The following MYO5B variants were observed in gnomAD, a reference collection of about 807,000 sequenced individuals.
MYO5B encodes myosin VB.
A neutral mutation model predicts 229.3 loss-of-function variants in MYO5B; 143 were observed. That is an observed-to-expected ratio of 0.62 (90% CI 0.54 to 0.72). MYO5B has a LOEUF of 0.72. MYO5B is among the 30% of genes least tolerant of loss of function. The pLI is 0.00. For synonymous variants in MYO5B, 918 were observed against 885.2 expected (o/e 1.04, Z -0.66); for missense variants, 2,321 against 2,331.0 (o/e 1.00, Z 0.09).
In MYO5B at chr18:49,929,613, A is replaced by G. The variant is rs764748524; in HGVS notation, c.2004-15T>C. The G allele has an allele frequency of 0.018, 20,414 of 1,116,402 alleles. 31 individuals carry two copies. Among genetic ancestry groups the G allele is most frequent in the Non-Finnish European group, 0.02 (17,213 of 841,910 alleles). The allele number at this position is 1,116,402 out of a possible 1,614,324, so 69.2% of individuals were successfully genotyped here. A position where few individuals can be genotyped will look rare whatever the true frequency, so the allele number is the denominator to read the frequency against. ...TTGGGTCAAAGCTGCCAAAGGAGAA[A>G]AAAAAAAAAAAAAGCAAGACAAGAG... On this transcript the variant is annotated splice_polypyrimidine_tract_variant and intron_variant, in intron 16 of 39. Transcript: ENST00000285039.
intron 1 of MYO5B, among the ~76,000 whole-genome samples, chr18:50,119,655 A>C (rs960917825): frequency 6.6e-6 from 1 of 152,084 alleles, no homozygotes; most frequent in East Asian, 1.9e-4. Flanking sequence ...AATTATTCAC[A>C]TGTCTCCTTC....
At chr18:49,864,035 C>T in intron 28 of MYO5B, 106 bp downstream of exon 28, 1 of 1,534,828 alleles carries the variant, frequency 6.5e-7, no homozygotes, top group Non-Finnish European at 8.8e-7. Context: ...AGAGACTCTG[C>T]TCTTTCAGGT....
intron 1 of MYO5B, among the ~76,000 whole-genome samples, chr18:50,173,957 G>A (rs1009908548): frequency 1.3e-5 from 2 of 152,124 alleles, no homozygotes; most frequent in African/African-American, 4.8e-5. Context: ...CTGCGAGGGC[G>A]TTTCTGGAAG....
chr18:49,977,709 G>A (rs375663249), intron 9 of MYO5B, among the ~76,000 whole-genome samples: 60 of 152,278 alleles, frequency 3.9e-4, no homozygotes, highest in Middle Eastern at 3.4e-3. Context: ...CAGAGAAAGA[G>A]GTTCCCCTCT....
rs369161855 is a variant in MYO5B, at chr18:50,158,781, G to A, written c.27+35986C>T. On this transcript the variant is annotated intron_variant, in intron 1 of 39. Transcript: ENST00000285039. ...CATGCCCCATTATGGTCTCCCTAAG[G>A]AGCCGGTGTTCTCTGAGGCAGGAGC... Among the ~76,000 whole-genome samples the A allele has an allele frequency of 3.9e-5, 6 of 152,276 alleles. No individual in the cohort carries two copies. The East Asian group carries it at 7.7e-4, about 20-fold the overall frequency.
chr18:49,906,548 T>C lies in MYO5B; in HGVS notation c.2285A>G (p.Asp762Gly). The change falls in exon 19 of 40, where the codon GAC (aspartate) becomes GGC (glycine). Residue 762 changes from aspartate (D) to glycine (G), a missense_variant. Physicochemically the swap from Asp to Gly is moderately conservative, Grantham distance 94. Around this residue, in one of 2 missense-constraint regions of MYO5B, gnomAD observed 2,113 missense variants for 2,044.7 expected, o/e 1.03. Transcript: ENST00000285039. ...CATGATGGTGGCTGTCCGGAACTTG[T>C]CAGCCCGCAGCTTCTCCAGGTAGGC... ...QVAYLEKLRADKFRTATIMIQ... is the reference protein window; with the variant it reads ...QVAYLEKLRAGKFRTATIMIQ... 1.2e-6 allele frequency: 2 copies of C among 1,614,178 alleles called. No individual in the cohort carries two copies. Among genetic ancestry groups the C allele is most frequent in the Non-Finnish European group, 1.7e-6 (2 of 1,180,032 alleles).
At chr18:50,016,622 C>T (rs570442109) in intron 4 of MYO5B, among the ~76,000 whole-genome samples, 3 of 152,298 alleles carry the variant, frequency 2.0e-5, no homozygotes, top group African/African-American at 7.2e-5. Context: ...AATATCTTCT[C>T]CAAATCTGTC....
intron 20 of MYO5B, among the ~76,000 whole-genome samples, chr18:49,903,831 G>A (rs1436417995): frequency 6.6e-6 from 1 of 152,240 alleles, no homozygotes; most frequent in East Asian, 1.9e-4. Context: ...GAACCCAAGG[G>A]TTTTGGCTTC....
chr18:49,965,709 C>T (rs1247463292), intron 10 of MYO5B, among the ~76,000 whole-genome samples: 2 of 152,150 alleles, frequency 1.3e-5, no homozygotes, highest in Non-Finnish European at 2.9e-5. Flanking sequence ...TAGGCAGAGG[C>T]AGTGTGTGAA....
At chr18:49,959,863 C>T (rs550204603) in intron 12 of MYO5B, among the ~76,000 whole-genome samples, 31 of 152,268 alleles carry the variant, frequency 2.0e-4, no homozygotes, top group African/African-American at 6.3e-4. Flanking sequence ...AGTCTTGTTA[C>T]GAGCAGCCTG....
chr18:49,957,378 A>G (rs1266652030), intron 12 of MYO5B, among the ~76,000 whole-genome samples: 1 of 151,926 alleles, frequency 6.6e-6, no homozygotes, highest in Admixed American at 6.6e-5. Context: ...GCAATGGCTC[A>G]CACCTGTAAT....
intron 1 of MYO5B, among the ~76,000 whole-genome samples, chr18:50,159,337 AACC>A (rs1474736502): frequency 6.6e-6 from 1 of 152,190 alleles, no homozygotes; most frequent in Admixed American, 6.5e-5. Context: ...TGATTATTTC[AACC>A]CCTGCAGAAA....
intron 12 of MYO5B, among the ~76,000 whole-genome samples, chr18:49,957,142 C>CAAAAAAA (rs71169467): frequency 0.016 from 938 of 58,674 alleles, 83 homozygotes; most frequent in African/African-American, 0.038. Context: ...AATAAAGTAG[C>CAAAAAAA]AAAAAAAAAA....
At chr18:50,175,581 C>T (rs2144339957) in intron 1 of MYO5B, among the ~76,000 whole-genome samples, 1 of 152,366 alleles carries the variant, frequency 6.6e-6, no homozygotes, top group African/African-American at 2.4e-5. Context: ...AAATGACTTA[C>T]TCCTTCCTCC....
chr18:49,913,016 T>C (rs945713381), intron 17 of MYO5B, among the ~76,000 whole-genome samples: 5 of 152,240 alleles, frequency 3.3e-5, no homozygotes, highest in South Asian at 4.1e-4. Flanking sequence ...TTAATCAGTA[T>C]AGAAGGAACC....
chr18:49,886,236 C>T (rs1185138186), intron 22 of MYO5B, among the ~76,000 whole-genome samples: 1 of 152,206 alleles, frequency 6.6e-6, no homozygotes, highest in East Asian at 1.9e-4. Flanking sequence ...CCACCGGCAC[C>T]TGACCAACAC....
intron 2 of MYO5B, among the ~76,000 whole-genome samples, chr18:50,042,051 T>G (rs1160800424): frequency 6.6e-6 from 1 of 152,160 alleles, no homozygotes; most frequent in Non-Finnish European, 1.5e-5. Flanking sequence ...AGCACTATTA[T>G]CAGACTGACA....
intron 29 of MYO5B, among the ~76,000 whole-genome samples, chr18:49,857,840 G>A (rs1376368482): frequency 6.6e-6 from 1 of 152,208 alleles, no homozygotes; most frequent in African/African-American, 2.4e-5. Flanking sequence ...GGCCAGCAGA[G>A]TTGGGTGGAG....
intron 1 of MYO5B, among the ~76,000 whole-genome samples, chr18:50,164,104 G>C (rs889837280): frequency 3.3e-5 from 5 of 152,158 alleles, no homozygotes; most frequent in African/African-American, 9.7e-5. Context: ...TTTTAGACAA[G>C]GTAGCTATCC....
Sources: allele counts gnomAD v4.1 joint callset (sites outside exome capture counted in the v4.1 genomes callset), GRCh38; gene constraint gnomAD v4.1.1; regional missense constraint gnomAD v4.1.1; transcripts MANE v1.5; gene names NCBI Gene and HGNC (gene_info 2026-07-23, HGNC 2026-07-21).